The following CDH18 variants were observed in gnomAD, a reference collection of about 807,000 sequenced individuals.
CDH18 encodes cadherin-18.
A neutral mutation model predicts 67.9 loss-of-function variants in CDH18; 31 were observed. The observed-to-expected ratio is 0.46, with a 90% CI of 0.34 to 0.62. The LOEUF is 0.62. Among genes scored for constraint, CDH18 ranks in the 20% least tolerant of loss-of-function variants. The probability of loss-of-function intolerance (pLI) is 0.01; values close to 1 mark genes in which losing one functional copy is unlikely to be tolerated. For synonymous variants in CDH18, 362 were observed against 347.2 expected (o/e 1.04, Z -0.48); for missense variants, 890 against 975.5 (o/e 0.91, Z 1.17).
chr5:20,458,833 G>T (rs1751022856), intron 1 of CDH18, among the ~76,000 whole-genome samples: 1 of 152,050 alleles, frequency 6.6e-6, no homozygotes, highest in Admixed American at 6.6e-5. Flanking sequence ...TACAAACATT[G>T]TTCACTATTA....
intron 1 of CDH18, among the ~76,000 whole-genome samples, chr5:20,485,748 C>G (rs1753126588): frequency 6.6e-6 from 1 of 152,018 alleles, no homozygotes; most frequent in Non-Finnish European, 1.5e-5. Flanking sequence ...TTTATGCTTT[C>G]AGCGAGTAAC....
At chr5:19,789,609 T>C (rs1206211552) in intron 3 of CDH18, among the ~76,000 whole-genome samples, 1 of 152,078 alleles carries the variant, frequency 6.6e-6, no homozygotes, top group Non-Finnish European at 1.5e-5. Flanking sequence ...ACGTCAATTA[T>C]TAAGAATATA....
At chr5:20,148,238 C>T (rs1750815867) in intron 2 of CDH18, among the ~76,000 whole-genome samples, 1 of 151,690 alleles carries the variant, frequency 6.6e-6, no homozygotes, top group South Asian at 2.1e-4. Flanking sequence ...ACTACAGACG[C>T]CCATCACCAT....
chr5:20,207,706 T>C (rs1274668019), intron 2 of CDH18, among the ~76,000 whole-genome samples: 1 of 152,096 alleles, frequency 6.6e-6, no homozygotes. Flanking sequence ...GTGAAAATTA[T>C]AGGAGCTACA....
intron 2 of CDH18, among the ~76,000 whole-genome samples, chr5:20,241,996 T>G (rs1580561372): frequency 6.6e-6 from 1 of 150,684 alleles, no homozygotes; most frequent in East Asian, 1.9e-4. Context: ...GTTGAGGAAA[T>G]GAAAGCTACA....
In CDH18 at chr5:20,206,998, A is replaced by AT. The variant is rs947474583; in HGVS notation, c.-518+48445dup. Reference sequence around the variant, plus strand: ...AATACTGGAATTCCCAGCTAGAACAATTTTTTTAAGCAAGAAAGAAAAATG... The same window carrying AT: ...AATACTGGAATTCCCAGCTAGAACAATTTTTTTTAAGCAAGAAAGAAAAATG... On this transcript the variant is annotated intron_variant, in intron 2 of 14. Transcript: ENST00000507958. Among the ~76,000 whole-genome samples, 13 of 152,046 alleles carry AT rather than the reference A, an allele frequency of 8.6e-5. No homozygotes were observed. In the East Asian group the frequency reaches 1.4e-3, roughly 16 times the overall value.
chr5:20,129,206 A>T (rs1343340517), intron 2 of CDH18, among the ~76,000 whole-genome samples: 3 of 151,992 alleles, frequency 2.0e-5, no homozygotes, highest in Admixed American at 2.0e-4. Context: ...TAGTTTCAAG[A>T]AAAATAAGAA....
chr5:20,206,193 C>T (rs901893183), intron 2 of CDH18, among the ~76,000 whole-genome samples: 7 of 151,836 alleles, frequency 4.6e-5, no homozygotes, highest in African/African-American at 1.7e-4. Context: ...AATCATTAGA[C>T]ACTATTGTGC....
chr5:19,494,406 G>A (rs903799019), intron 11 of CDH18, among the ~76,000 whole-genome samples: 4 of 152,142 alleles, frequency 2.6e-5, no homozygotes, highest in African/African-American at 4.8e-5. Context: ...AGTGGCCATA[G>A]TTTCACCTAT....
intron 1 of CDH18, among the ~76,000 whole-genome samples, chr5:20,291,712 T>C (rs1416202576): frequency 6.6e-6 from 1 of 152,150 alleles, no homozygotes; most frequent in Non-Finnish European, 1.5e-5. Flanking sequence ...CAAGGTCAAA[T>C]TGAGTCATCA....
rs577622623 is a variant in CDH18 at position 19,557,315 on chromosome 5, C to T, written c.1254-13310G>A. On this transcript the variant is annotated intron_variant, in intron 8 of 12. Coordinates refer to ENST00000382275, the MANE Select transcript of CDH18 (RefSeq NM_004934.5). ...AATACTAACATTGAATGTAAATGGC[C>T]GAAATGCTGCACTTAAAAGATACAG... Among the ~76,000 whole-genome samples the T allele has an allele frequency of 2.6e-5, 4 of 151,904 alleles. No individual in the cohort carries two copies. The South Asian group carries it at 6.2e-4, about 24-fold the overall frequency.
At chr5:20,129,052 T>C (rs1021985853) in intron 2 of CDH18, among the ~76,000 whole-genome samples, 2 of 152,030 alleles carry the variant, frequency 1.3e-5, no homozygotes, top group South Asian at 2.1e-4. Flanking sequence ...CCTAAACATC[T>C]GGATTTTGGA....
intron 2 of CDH18, among the ~76,000 whole-genome samples, chr5:19,962,038 G>T (rs1796956388): frequency 6.6e-6 from 1 of 151,626 alleles, no homozygotes; most frequent in African/African-American, 2.4e-5. Flanking sequence ...GATATGTTAT[G>T]ATCTTTTCAT....
At chr5:19,749,680 T>C (rs1178139517) in intron 3 of CDH18, among the ~76,000 whole-genome samples, 1 of 150,942 alleles carries the variant, frequency 6.6e-6, no homozygotes. Flanking sequence ...TAAGCATCTA[T>C]TAAATATATA....
chr5:20,427,414 T>G lies in CDH18; in HGVS notation c.-580+148048A>C, dbSNP rs1465364105. Among the ~76,000 whole-genome samples, 5 of 151,266 alleles carry G rather than the reference T, an allele frequency of 3.3e-5. No individual in the cohort carries two copies. In the East Asian group the frequency reaches 9.6e-4, roughly 29 times the overall value. ...AAGGCTTATTTTACTCAAAATAATT[T>G]GAAATAGGAAGAGAAATGTATTTTC... On this transcript the variant is annotated intron_variant, in intron 1 of 14. Coordinates refer to the CDH18 transcript ENST00000507958.
At chr5:20,347,398 C>A (rs113549175) in intron 1 of CDH18, among the ~76,000 whole-genome samples, 1 of 152,110 alleles carries the variant, frequency 6.6e-6, no homozygotes, top group African/African-American at 2.4e-5. Context: ...TTCCCTAAAC[C>A]GCAATTAGGG....
At chr5:20,153,475 C>T (rs190064637) in intron 2 of CDH18, among the ~76,000 whole-genome samples, 19 of 152,224 alleles carry the variant, frequency 1.2e-4, no homozygotes, top group African/African-American at 4.3e-4. Context: ...CTTACTGATA[C>T]AACACAGGGA....
chr5:20,047,589 G>A (rs951721373), intron 2 of CDH18, among the ~76,000 whole-genome samples: 1 of 151,838 alleles, frequency 6.6e-6, no homozygotes, highest in East Asian at 1.9e-4. Context: ...ACACTCAAAT[G>A]AGCAAACGTT....
chr5:20,281,481 T>C (rs1181473436), intron 1 of CDH18, among the ~76,000 whole-genome samples: 1 of 152,196 alleles, frequency 6.6e-6, no homozygotes, highest in Non-Finnish European at 1.5e-5. Flanking sequence ...TCCCTATTTC[T>C]TGTTTTTGTC....
Sources: allele counts gnomAD v4.1 joint callset (sites outside exome capture counted in the v4.1 genomes callset), GRCh38; gene constraint gnomAD v4.1.1; transcripts MANE v1.5; gene names NCBI Gene and HGNC (gene_info 2026-07-23, HGNC 2026-07-21).